DARS2: variants seen among roughly 807,000 people sequenced by gnomAD.
DARS2 encodes the protein aspartyl-tRNA synthetase 2, mitochondrial.
DARS2 carries 63 observed loss-of-function variants against 83.0 expected under a neutral mutation model. The observed-to-expected ratio is 0.76, with a 90% CI of 0.62 to 0.94. The LOEUF (loss-of-function observed/expected upper bound fraction) is 0.94, where lower values mean the gene tolerates loss of function less well. Ranked by LOEUF, DARS2 falls within the 40% of genes least tolerant of loss-of-function variation. The pLI is 0.00. For synonymous variants in DARS2, 250 were observed against 269.3 expected (o/e 0.93, Z 0.70); for missense variants, 675 against 774.4 (o/e 0.87, Z 1.52).
intron 6 of DARS2, 44 bp downstream of exon 6, chr1:173,833,543 C>T (rs769187050): frequency 1.9e-6 from 3 of 1,612,724 alleles, no homozygotes; most frequent in South Asian, 2.2e-5. Flanking sequence ...TGTAGCATCT[C>T]TTCTATTTTA....
intron 12 of DARS2, among the ~76,000 whole-genome samples, chr1:173,848,879 C>G (rs914645749): frequency 1.3e-5 from 2 of 152,066 alleles, no homozygotes; most frequent in African/African-American, 4.8e-5. Flanking sequence ...TTTCTAGTCT[C>G]TCTTTGGAAT....
intron 5 of DARS2, among the ~76,000 whole-genome samples, chr1:173,833,173 A>G (rs546264987): frequency 2.6e-5 from 4 of 152,214 alleles, no homozygotes; most frequent in Admixed American, 1.3e-4. Flanking sequence ...GAGTGATATT[A>G]TTAATAATGA....
At chr1:173,841,087 G>A (rs1431872232) in intron 11 of DARS2, 114 bp downstream of exon 11, 1 of 776,978 alleles carries the variant, frequency 1.3e-6, no homozygotes, top group African/African-American at 1.7e-5. Context: ...TAAAAATAGG[G>A]ATTTTTGCTG....
chr1:173,836,879 C>A, intron 7 of DARS2, 61 bp from the exon 8 acceptor site: 1 of 1,387,006 alleles, frequency 7.2e-7, no homozygotes, highest in Non-Finnish European at 1.0e-6. Context: ...GTTAGTTATA[C>A]TTTGGGTTTG....
At chr1:173,825,449 C>T (rs146050880) in intron 1 of DARS2, 93 bp downstream of exon 1, 16,864 of 470,884 alleles carry the variant, frequency 0.036, 393 homozygotes, top group Non-Finnish European at 0.04. Context: ...TTTTTTCCCC[C>T]ATTATTATTA....
chr1:173,837,814 C>T (rs1014370185), intron 8 of DARS2, among the ~76,000 whole-genome samples: 3 of 151,748 alleles, frequency 2.0e-5, no homozygotes, highest in Non-Finnish European at 4.4e-5. Context: ...TGCTCTGTCA[C>T]CCAAGCTGGA....
At chr1:173,831,759 G>T in intron 5 of DARS2, 129 bp downstream of exon 5, 1 of 743,552 alleles carries the variant, frequency 1.3e-6, no homozygotes, top group South Asian at 1.6e-5. Context: ...GACACATCAT[G>T]AAGTGTTCTC....
chr1:173,852,051 G>A, intron 13 of DARS2: 3 of 985,366 alleles, frequency 3.0e-6, no homozygotes, highest in Non-Finnish European at 3.6e-6. Flanking sequence ...GAAGTTATAG[G>A]TCTGATTCCT....
intron 15 of DARS2, among the ~76,000 whole-genome samples, chr1:173,854,978 G>C (rs1653807395): frequency 6.6e-6 from 1 of 152,166 alleles, no homozygotes; most frequent in Admixed American, 6.5e-5. Flanking sequence ...GGTCCTAAAA[G>C]ATCGTTTTGT....
At chr1:173,825,774 C>G (rs1181556141) in intron 1 of DARS2, among the ~76,000 whole-genome samples, 1 of 143,054 alleles carries the variant, frequency 7.0e-6, no homozygotes, top group Non-Finnish European at 1.5e-5. Context: ...CGGCTTTTCC[C>G]CTGTTCTTAA....
chr1:173,827,125 C>G (rs1471849151), intron 2 of DARS2, among the ~76,000 whole-genome samples: 5 of 152,102 alleles, frequency 3.3e-5, no homozygotes, highest in Non-Finnish European at 7.4e-5. Context: ...AATGGGCCAG[C>G]CTCCTATAAA....
chr1:173,846,245 C>T (rs1187328638), intron 12 of DARS2, among the ~76,000 whole-genome samples: 4 of 151,952 alleles, frequency 2.6e-5, no homozygotes, highest in African/African-American at 4.8e-5. Context: ...GCAGGAGAAT[C>T]GCTTGAACAC....
At chr1:173,836,009 A>T (rs1652990415) in intron 7 of DARS2, among the ~76,000 whole-genome samples, 1 of 151,976 alleles carries the variant, frequency 6.6e-6, no homozygotes, top group South Asian at 2.1e-4. Context: ...ATGAGCCAAG[A>T]TCACGCCATT....
chr1:173,848,339 A>G (rs1653520171), intron 12 of DARS2, among the ~76,000 whole-genome samples: 2 of 152,234 alleles, frequency 1.3e-5, no homozygotes, highest in South Asian at 4.1e-4. Flanking sequence ...AATTTGGCTT[A>G]GTACAAAATT....
At chr1:173,837,099 G>C in intron 8 of DARS2, 53 bp downstream of exon 8, 1 of 1,490,762 alleles carries the variant, frequency 6.7e-7, no homozygotes, top group Middle Eastern at 1.7e-4. Context: ...GAAAAACAAA[G>C]GGAAAAAAGG....
chr1:173,829,204 A>AGTGTGTGTGT (rs10653648), intron 3 of DARS2, among the ~76,000 whole-genome samples: 55 of 148,446 alleles, frequency 3.7e-4, no homozygotes, highest in African/African-American at 1.3e-3. Context: ...ATATACATTC[A>AGTGTGTGTGT]GTGTGTGTGT....
chr1:173,829,962 G>A (rs867927391), intron 3 of DARS2, among the ~76,000 whole-genome samples: 1 of 151,936 alleles, frequency 6.6e-6, no homozygotes, highest in Non-Finnish European at 1.5e-5. Context: ...TGTGCCTGTA[G>A]TCCCAGCTAC....
chr1:173,840,324 G>A (rs914975433), intron 10 of DARS2, among the ~76,000 whole-genome samples: 2 of 152,012 alleles, frequency 1.3e-5, no homozygotes, highest in Admixed American at 6.6e-5. Context: ...CTGCAACTTC[G>A]GCCTCCTGGG....
chr1:173,831,158 G>C (rs966343185), intron 4 of DARS2, among the ~76,000 whole-genome samples: 1 of 151,044 alleles, frequency 6.6e-6, no homozygotes, highest in South Asian at 2.1e-4. Context: ...CTCATGATCT[G>C]CCCATCTCAG....
Sources: gnomAD v4.1 joint callset for allele counts (sites outside exome capture counted in the v4.1 genomes callset) on GRCh38, gnomAD v4.1.1 for gene constraint, MANE v1.5 for transcripts, NCBI Gene and HGNC (gene_info 2026-07-23, HGNC 2026-07-21) for gene names.